Variants in NID1 observed in about 807,000 individuals in gnomAD.
NID1 encodes the protein nidogen-1.
NID1 carries 76 observed loss-of-function variants against 130.6 expected under a neutral mutation model. The observed-to-expected ratio is 0.58, with a 90% CI of 0.48 to 0.70. The LOEUF (loss-of-function observed/expected upper bound fraction) is 0.70. NID1 is among the 30% of genes least tolerant of loss of function. NID1 has a pLI of 0.00. For missense variants in NID1, 1,517 were observed against 1,664.8 expected (o/e 0.91, Z 1.54); for synonymous variants, 665 against 675.1 (o/e 0.98, Z 0.23).
At chr1:236,035,127 G>GA (rs1659216548) in intron 5 of NID1, among the ~76,000 whole-genome samples, 1 of 127,102 alleles carries the variant, frequency 7.9e-6, no homozygotes, top group Non-Finnish European at 1.6e-5. Context: ...ATATCTCCCA[G>GA]TGCTATCCCT....
intron 12 of NID1, among the ~76,000 whole-genome samples, chr1:236,008,565 A>G (rs529570767): frequency 3.0e-4 from 46 of 152,148 alleles, no homozygotes; most frequent in African/African-American, 1.0e-3. Context: ...CAGTGGTGCA[A>G]TCTTGGCTTA....
intron 1 of NID1, among the ~76,000 whole-genome samples, chr1:236,053,010 C>T (rs1210602827): frequency 1.3e-5 from 2 of 152,236 alleles, no homozygotes; most frequent in African/African-American, 2.4e-5. Flanking sequence ...AACAAAAGTA[C>T]TCGGCAAGCT....
chr1:236,002,618 C>T (rs1433020117), intron 12 of NID1, among the ~76,000 whole-genome samples: 1 of 152,220 alleles, frequency 6.6e-6, no homozygotes, highest in Non-Finnish European at 1.5e-5. Flanking sequence ...AAGACAAGAG[C>T]TTTGCAGGCT....
intron 12 of NID1, among the ~76,000 whole-genome samples, chr1:235,995,034 A>T (rs1657883646): frequency 6.6e-6 from 1 of 152,216 alleles, no homozygotes. Flanking sequence ...TTTGGCATGG[A>T]AATTGACCTC....
At chr1:236,025,100 C>A (rs112972960) in intron 8 of NID1, among the ~76,000 whole-genome samples, 9,012 of 151,108 alleles carry the variant, frequency 0.06, 609 homozygotes, top group African/African-American at 0.17. Context: ...TACAGCCACA[C>A]ACCACCACAC....
At chr1:236,038,402 C>A (rs931176382) in intron 4 of NID1, 149 bp from the exon 5 acceptor site, 5 of 725,868 alleles carry the variant, frequency 6.9e-6, no homozygotes, top group African/African-American at 5.4e-5. Context: ...AGATTACAAT[C>A]CCCTACAGGT....
At chr1:236,005,245 A>G (rs1304517521) in intron 12 of NID1, among the ~76,000 whole-genome samples, 2 of 152,056 alleles carry the variant, frequency 1.3e-5, no homozygotes, top group African/African-American at 4.8e-5. Context: ...GGGTGGGGAG[A>G]GAGCCAGGAA....
At chr1:236,032,766 C>A in intron 5 of NID1, 114 bp from the exon 6 acceptor site, 1 of 1,382,556 alleles carries the variant, frequency 7.2e-7, no homozygotes, top group Non-Finnish European at 9.7e-7. Context: ...AACAAAACAG[C>A]ACTGGGGTCA....
At chr1:235,978,286 T>C (rs1657328822) in intron 19 of NID1, among the ~76,000 whole-genome samples, 1 of 152,218 alleles carries the variant, frequency 6.6e-6, no homozygotes, top group South Asian at 2.1e-4. Flanking sequence ...GATTATAACA[T>C]AGAATTGGAA....
chr1:235,988,114 G>A (rs1254895975), intron 14 of NID1, among the ~76,000 whole-genome samples: 1 of 152,172 alleles, frequency 6.6e-6, no homozygotes, highest in African/African-American at 2.4e-5. Context: ...ACAACCCATG[G>A]AATGGGAGAA....
At chr1:236,025,124 GTGT>G (rs1658884361) in intron 8 of NID1, among the ~76,000 whole-genome samples, 2 of 151,778 alleles carry the variant, frequency 1.3e-5, no homozygotes, top group South Asian at 2.1e-4. Context: ...GCTAAATTTT[GTGT>G]TGTTAGTAGA....
chr1:235,992,876 G>T (rs993167598), intron 13 of NID1, among the ~76,000 whole-genome samples: 1 of 152,172 alleles, frequency 6.6e-6, no homozygotes, highest in Non-Finnish European at 1.5e-5. Context: ...TTCGCTTTTG[G>T]TAGTTTGTGA....
rs757417344 is a variant in NID1 at position 235,990,897 on chromosome 1, G to A, written c.2917C>T (p.Leu973Phe). 6.2e-7 allele frequency: 1 copy of A among 1,614,126 alleles called. No individual in the cohort carries two copies. Among genetic ancestry groups the A allele is most frequent in the East Asian group, 2.2e-5 (1 of 44,876 alleles). ...TMRKTEAKAFLHVPAKVIIGL... is the reference protein window; with the variant it reads ...TMRKTEAKAFFHVPAKVIIGL... The stretch of plus-strand genomic sequence containing the variant: ...CAGCCAGCACTCACCGGGACATGAA[G>A]GAACGCCTTTGCTTCTGTCTTCCTC... The change falls in exon 14 of 20, where the codon CTT (leucine) becomes TTT (phenylalanine). Residue 973 changes from leucine (L) to phenylalanine (F), a missense_variant. Leu to Phe is a conservative substitution (Grantham distance 22, BLOSUM62 0). This residue lies in a region of NID1 where 1,329 missense variants were observed against 1,429.2 expected (regional missense o/e 0.93). Coordinates refer to ENST00000264187, the MANE Select transcript of NID1 (RefSeq NM_002508.3).
chr1:236,038,968 TATATATGTAAATATGTACATATAC>T (rs1297412489), intron 4 of NID1, among the ~76,000 whole-genome samples: 6 of 115,536 alleles, frequency 5.2e-5, no homozygotes, highest in Non-Finnish European at 6.6e-5. Context: ...TATGTGTAAC[TATATATGTAAATATGTACATATAC>T]ATATATGTAA....
rs1249874559 is a variant in NID1, at chr1:236,065,046, A to T, written c.34T>A (p.Trp12Arg). Reference protein sequence around the residue: ...LASSSRIRAAWTRALLLPLLL... With the variant: ...LASSSRIRAARTRALLLPLLL... ...AGCGGCAGCAGCAGCGCCCGCGTCC[A>T]CGCAGCCCGGATCCGGCTGCTCGAG... The change falls in exon 1 of 20, where the codon TGG becomes AGG. Residue 12 changes from tryptophan to arginine, a missense_variant. Trp to Arg is a moderately radical substitution (Grantham distance 101). Coordinates refer to ENST00000264187, the MANE Select transcript of NID1 (RefSeq NM_002508.3). The surrounding 1 kb of genome is among the most constrained non-coding windows in gnomAD (Gnocchi z 4.1). The T allele has an allele frequency of 6.4e-7, 1 of 1,554,096 alleles. No homozygotes were observed. The highest frequency in any genetic ancestry group is 1.2e-5 in the South Asian group (1 of 84,588).
At chr1:236,050,950 G>A (rs1659748699) in intron 1 of NID1, among the ~76,000 whole-genome samples, 1 of 152,062 alleles carries the variant, frequency 6.6e-6, no homozygotes, top group Non-Finnish European at 1.5e-5. Flanking sequence ...GGGCATGGTG[G>A]CAAGTGCCTG....
Position 236,017,266 on chromosome 1 carries a change from A to C in NID1, c.2136T>G (p.Asp712Glu). Residue 712 changes from aspartate to glutamate, a missense_variant, in exon 10 of 20, where the codon GAT becomes GAG. Asp to Glu is a conservative substitution (Grantham distance 45, BLOSUM62 2). Coordinates refer to ENST00000264187, the MANE Select transcript of NID1 (RefSeq NM_002508.3). ...ACACTGAGGGTTGTTCTGAACATTC[A>C]TCAATATCTGCAGCAAAAATTTTTT... is the stretch of plus-strand genomic sequence containing the variant. ...RGDGRTCYDI[D>E]ECSEQPSVCG... The C allele has an allele frequency of 6.2e-7, 1 of 1,613,998 alleles. No homozygotes were observed. Among genetic ancestry groups the C allele is most frequent in the South Asian group, 1.1e-5 (1 of 91,034 alleles).
At chr1:236,064,043 C>T (rs1040194672) in intron 1 of NID1, among the ~76,000 whole-genome samples, 3 of 152,214 alleles carry the variant, frequency 2.0e-5, no homozygotes, top group Non-Finnish European at 4.4e-5. Context: ...TTCCAACCCC[C>T]TTCCCCCGGC....
At position 235,993,772 on chromosome 1, in the gene NID1, A is replaced by G. The variant is rs764328921; in HGVS notation, c.2628T>C (p.Pro876=). The G allele has an allele frequency of 1.9e-6, 3 of 1,614,030 alleles. No individual in the cohort carries two copies. The highest frequency in any genetic ancestry group is 2.7e-5 in the African/African-American group (2 of 74,964). ...QRPIPPGLFV[P]ECDAHGHYAP... Reference sequence around the variant, plus strand: ...CGTAGTGCCCGTGCGCATCGCACTCAGGAACGAACAGCCCCGGAGGAATGG... The same window carrying G: ...CGTAGTGCCCGTGCGCATCGCACTCGGGAACGAACAGCCCCGGAGGAATGG... Residue 876 remains proline (P), a synonymous_variant, in exon 13 of 20, where the codon CCT becomes CCC. Coordinates refer to ENST00000264187, the MANE Select transcript of NID1 (RefSeq NM_002508.3).
Sources: gnomAD v4.1 joint callset for allele counts (sites outside exome capture counted in the v4.1 genomes callset) on GRCh38, gnomAD v4.1.1 for gene constraint, gnomAD v4.1.1 regional missense constraint, Gnocchi (gnomAD v3.1) non-coding constraint, MANE v1.5 for transcripts, NCBI Gene and HGNC (gene_info 2026-07-23, HGNC 2026-07-21) for gene names.